Variants in ATXN1 observed in about 807,000 individuals in gnomAD.
The protein encoded by ATXN1 is ataxin-1.
Under a neutral mutation model 56.4 loss-of-function variants are expected in ATXN1, and 8 were observed. That is an observed-to-expected ratio of 0.14 (90% confidence interval 0.08 to 0.26). The LOEUF (loss-of-function observed/expected upper bound fraction) is 0.26. Among genes scored for constraint, ATXN1 ranks in the 10% least tolerant of loss-of-function variants. ATXN1 has a pLI of 1.00. For missense variants in ATXN1, 987 were observed against 1,106.5 expected (o/e 0.89, Z 1.53); for synonymous variants, 514 against 494.6 (o/e 1.04, Z -0.52).
chr6:16,532,044 T>G (rs2113707371), intron 4 of ATXN1, among the ~76,000 whole-genome samples: 1 of 152,332 alleles, frequency 6.6e-6, no homozygotes, highest in East Asian at 1.9e-4. Flanking sequence ...TCTGTCATTG[T>G]CGTGCAAAAG....
chr6:16,362,488 T>C (rs573599137), intron 6 of ATXN1, among the ~76,000 whole-genome samples: 31 of 151,978 alleles, frequency 2.0e-4, no homozygotes, highest in Non-Finnish European at 4.1e-4. Context: ...TTACCCCCAT[T>C]ATCACCATCA....
chr6:16,718,080 G>C (rs1481030766), intron 2 of ATXN1, among the ~76,000 whole-genome samples: 1 of 152,236 alleles, frequency 6.6e-6, no homozygotes, highest in Non-Finnish European at 1.5e-5. Context: ...GTGACTGGCA[G>C]AGTTGCCACA....
chr6:16,727,385 T>C (rs1311900272), intron 2 of ATXN1, among the ~76,000 whole-genome samples: 1 of 152,170 alleles, frequency 6.6e-6, no homozygotes, highest in Non-Finnish European at 1.5e-5. Flanking sequence ...CTCTGTCAAT[T>C]ATTGTAACAC....
intron 5 of ATXN1, among the ~76,000 whole-genome samples, chr6:16,507,722 A>G (rs909757662): frequency 1.3e-5 from 2 of 152,238 alleles, no homozygotes; most frequent in African/African-American, 4.8e-5. Context: ...AACTACCTTG[A>G]TAAATGCTAG....
chr6:16,627,832 G>A (rs545067803), intron 3 of ATXN1, among the ~76,000 whole-genome samples: 7 of 152,308 alleles, frequency 4.6e-5, no homozygotes, highest in Admixed American at 4.6e-4. Context: ...CCAGCTCTAA[G>A]GGGGAGGTCA....
intron 2 of ATXN1, among the ~76,000 whole-genome samples, chr6:16,701,964 C>T (rs1266205529): frequency 1.3e-5 from 2 of 152,092 alleles, no homozygotes; most frequent in African/African-American, 4.8e-5. Flanking sequence ...TGACTTTCTT[C>T]ACAGAATTGG....
intron 6 of ATXN1, among the ~76,000 whole-genome samples, chr6:16,439,289 T>C (rs918816585): frequency 1.4e-5 from 2 of 142,852 alleles, no homozygotes; most frequent in African/African-American, 2.6e-5. Flanking sequence ...GGCAACTACA[T>C]TTGTAAAGTT....
intron 6 of ATXN1, among the ~76,000 whole-genome samples, chr6:16,420,322 G>A (rs1396944264): frequency 6.6e-6 from 1 of 152,190 alleles, no homozygotes; most frequent in Admixed American, 6.5e-5. Flanking sequence ...ACAGTCCCAG[G>A]ATGCCAACTT....
chr6:16,709,631 A>T (rs1759481441), intron 2 of ATXN1, among the ~76,000 whole-genome samples: 1 of 152,208 alleles, frequency 6.6e-6, no homozygotes, highest in Non-Finnish European at 1.5e-5. Flanking sequence ...GAATTTCATC[A>T]ATTTTAAGAG....
chr6:16,463,366 G>C (rs890532399), intron 6 of ATXN1, among the ~76,000 whole-genome samples: 2 of 152,074 alleles, frequency 1.3e-5, no homozygotes, highest in African/African-American at 4.8e-5. Context: ...GCCCCTCAAA[G>C]CTCAGGTCCG....
chr6:16,636,729 T>C (rs1480587702), intron 3 of ATXN1, among the ~76,000 whole-genome samples: 2 of 152,248 alleles, frequency 1.3e-5, no homozygotes. Flanking sequence ...TCCCAGGTCA[T>C]AGCAGTGCTG....
chr6:16,580,760 T>C (rs543338886), intron 4 of ATXN1, among the ~76,000 whole-genome samples: 2 of 152,320 alleles, frequency 1.3e-5, no homozygotes, highest in South Asian at 2.1e-4. Flanking sequence ...TACGCCTACA[T>C]ATAAAACACA....
chr6:16,541,408 CTTTCTG>C (rs1761710867), intron 4 of ATXN1, among the ~76,000 whole-genome samples: 1 of 152,198 alleles, frequency 6.6e-6, no homozygotes, highest in African/African-American at 2.4e-5. Context: ...TTGAGCGTCT[CTTTCTG>C]TTTCTTTCTT....
At chr6:16,579,523 G>A (rs1005679702) in intron 4 of ATXN1, among the ~76,000 whole-genome samples, 21 of 112,714 alleles carry the variant, frequency 1.9e-4, no homozygotes, top group African/African-American at 5.7e-4. Context: ...GTCCAAGGGC[G>A]TTTCACTTGA....
At chr6:16,346,915 G>T (rs753313040) in intron 6 of ATXN1, among the ~76,000 whole-genome samples, 1 of 152,236 alleles carries the variant, frequency 6.6e-6, no homozygotes, top group African/African-American at 2.4e-5. Flanking sequence ...GGCTGCGCGC[G>T]TTGCTTGTGG....
intron 2 of ATXN1, among the ~76,000 whole-genome samples, chr6:16,679,248 G>GTGGA (rs1211704482): frequency 2.0e-5 from 3 of 147,304 alleles, no homozygotes; most frequent in South Asian, 2.2e-4. Context: ...GGATGGGTGG[G>GTGGA]TGGATGGATG....
intron 6 of ATXN1, among the ~76,000 whole-genome samples, chr6:16,362,396 A>C (rs1358922888): frequency 6.6e-6 from 1 of 152,168 alleles, no homozygotes; most frequent in Non-Finnish European, 1.5e-5. Context: ...CAGAGAAGTC[A>C]CCTGGGTGTC....
intron 6 of ATXN1, among the ~76,000 whole-genome samples, chr6:16,334,770 T>C (rs1333016484): frequency 6.6e-6 from 1 of 152,076 alleles, no homozygotes; most frequent in Admixed American, 6.6e-5. Context: ...ACTGCAACCA[T>C]AGATGGCACG....
chr6:16,560,169 A>C (rs1035325952), intron 4 of ATXN1, among the ~76,000 whole-genome samples: 2 of 152,222 alleles, frequency 1.3e-5, no homozygotes, highest in African/African-American at 2.4e-5. Context: ...TAGGTCTTCC[A>C]ATGGTCATCA....
Sources: allele counts gnomAD v4.1 joint callset (sites outside exome capture counted in the v4.1 genomes callset), GRCh38; gene constraint gnomAD v4.1.1; transcripts MANE v1.5; gene names NCBI Gene and HGNC (gene_info 2026-07-23, HGNC 2026-07-21).